Variants in SLC22A3 observed in about 807,000 individuals in gnomAD.
SLC22A3 encodes solute carrier family 22 member 3.
Under a neutral mutation model 59.1 loss-of-function variants are expected in SLC22A3, and 51 were observed. The observed-to-expected ratio is 0.86, with a 90% CI of 0.69 to 1.09. SLC22A3 has a LOEUF of 1.09. Among genes scored for constraint, SLC22A3 ranks in the 50% least tolerant of loss-of-function variants. The pLI, the probability that SLC22A3 is intolerant of heterozygous loss-of-function variation, is 0.00. For missense variants in SLC22A3, 711 were observed against 726.3 expected (o/e 0.98, Z 0.24); for synonymous variants, 325 against 292.0 (o/e 1.11, Z -1.15).
intron 9 of SLC22A3, among the ~76,000 whole-genome samples, chr6:160,445,809 G>C (rs987125146): frequency 2.0e-5 from 3 of 152,348 alleles, no homozygotes. Flanking sequence ...GCAAGGCTGA[G>C]GGTCTGCAGG....
intron 1 of SLC22A3, among the ~76,000 whole-genome samples, chr6:160,355,830 G>GT (rs1784822167): frequency 6.6e-6 from 1 of 152,034 alleles, no homozygotes; most frequent in Non-Finnish European, 1.5e-5. Flanking sequence ...AGGCTGTTCC[G>GT]TTTTGTACCT....
intron 1 of SLC22A3, among the ~76,000 whole-genome samples, chr6:160,357,173 C>T (rs1192049413): frequency 6.6e-6 from 1 of 152,144 alleles, no homozygotes; most frequent in Non-Finnish European, 1.5e-5. Context: ...AACAAAGGCA[C>T]CTATTCTGCT....
chr6:160,383,242 A>G (rs751644218), intron 1 of SLC22A3, among the ~76,000 whole-genome samples: 2 of 152,238 alleles, frequency 1.3e-5, no homozygotes, highest in Non-Finnish European at 2.9e-5. Flanking sequence ...GTGTTTTCAC[A>G]TTTTAAATTA....
At chr6:160,349,199 G>C (rs979183905) in intron 1 of SLC22A3, 1 of 513,048 alleles carries the variant, frequency 1.9e-6, no homozygotes. Flanking sequence ...TGCGGGCGCC[G>C]TCATTGGAAA....
chr6:160,393,604 A>T (rs1424091089), intron 1 of SLC22A3, among the ~76,000 whole-genome samples: 1 of 152,066 alleles, frequency 6.6e-6, no homozygotes, highest in Non-Finnish European at 1.5e-5. Context: ...CCATGTCCCT[A>T]CAAAGAACAT....
rs569656333 is a variant in SLC22A3 at position 160,429,346 on chromosome 6, G to A, written c.976-7434G>A. Among the ~76,000 whole-genome samples, 101 of 152,198 alleles carry A rather than the reference G, an allele frequency of 6.6e-4. 1 individual carries two copies. Among genetic ancestry groups the A allele is most frequent in the African/African-American group, 2.1e-3 (89 of 41,528 alleles). On this transcript the variant is annotated intron_variant, in intron 5 of 10. Coordinates refer to ENST00000275300, the MANE Select transcript of SLC22A3 (RefSeq NM_021977.4). ...GGTGTCATCTTTCCTTGTGAAATAC[G>A]GCAACTGATGAAGAAGTCTCCTATT...
In SLC22A3 at chr6:160,415,997, G is replaced by T. The variant is rs1344459904; in HGVS notation, c.975+5151G>T. 6.6e-6 allele frequency among the ~76,000 whole-genome samples: 1 copy of T among 152,216 alleles called. No individual in the cohort carries two copies. Among genetic ancestry groups the T allele is most frequent in the Non-Finnish European group, 1.5e-5 (1 of 68,038 alleles). ...GAGAGGAAAATAGTATGACAGATTT[G>T]ATCCAACATTGAAACAGGTGCATTT... is the stretch of plus-strand genomic sequence containing the variant. On this transcript the variant is annotated intron_variant, in intron 5 of 10. Coordinates refer to ENST00000275300, the MANE Select transcript of SLC22A3 (RefSeq NM_021977.4). This position sits in a 1 kb window ranked among gnomAD's most constrained non-coding sequence, Gnocchi z 4.1.
At chr6:160,392,901 T>C (rs1245085222) in intron 1 of SLC22A3, among the ~76,000 whole-genome samples, 7 of 151,730 alleles carry the variant, frequency 4.6e-5, no homozygotes, top group Non-Finnish European at 8.8e-5. Context: ...TTATTATTAT[T>C]ATTATTATTA....
chr6:160,396,224 G>A (rs936419746), intron 1 of SLC22A3, among the ~76,000 whole-genome samples: 3 of 151,952 alleles, frequency 2.0e-5, no homozygotes, highest in African/African-American at 7.3e-5. Context: ...AAATCTTCAG[G>A]GCAACAAACA....
intron 5 of SLC22A3, among the ~76,000 whole-genome samples, chr6:160,427,140 A>G (rs1787991604): frequency 1.3e-5 from 2 of 152,112 alleles, no homozygotes; most frequent in African/African-American, 2.4e-5. Flanking sequence ...GCAAGAAGCA[A>G]TGGAAGAGAT....
chr6:160,448,518 T>C (rs1296830410), intron 10 of SLC22A3, among the ~76,000 whole-genome samples: 1 of 152,006 alleles, frequency 6.6e-6, no homozygotes, highest in Non-Finnish European at 1.5e-5. Flanking sequence ...GATAGGTGGA[T>C]AGATAAATAG....
At chr6:160,411,455 G>C (rs1299860598) in intron 5 of SLC22A3, among the ~76,000 whole-genome samples, 1 of 152,138 alleles carries the variant, frequency 6.6e-6, no homozygotes, top group African/African-American at 2.4e-5. Context: ...AAATAGGGGA[G>C]GGCCGGGTGT....
chr6:160,430,171 A>G (rs1788099997), intron 5 of SLC22A3, among the ~76,000 whole-genome samples: 1 of 151,848 alleles, frequency 6.6e-6, no homozygotes, highest in Admixed American at 6.6e-5. Flanking sequence ...TGAATTTTCA[A>G]AACACTAATA....
intron 1 of SLC22A3, among the ~76,000 whole-genome samples, chr6:160,389,169 GCTGATCATCTCA>G (rs1413949093): frequency 6.6e-6 from 1 of 152,074 alleles, no homozygotes; most frequent in Non-Finnish European, 1.5e-5. Context: ...CGTATAGAAG[GCTGATCATCTCA>G]CTTGATTAAA....
chr6:160,437,458 G>T (rs1417116049), intron 7 of SLC22A3, among the ~76,000 whole-genome samples: 1 of 152,188 alleles, frequency 6.6e-6, no homozygotes, highest in Non-Finnish European at 1.5e-5. Context: ...CAATCTAGCT[G>T]ATAGCGATGT....
chr6:160,393,389 T>C (rs533116851), intron 1 of SLC22A3, among the ~76,000 whole-genome samples: 6 of 151,980 alleles, frequency 3.9e-5, no homozygotes, highest in Admixed American at 2.6e-4. Context: ...GCTGCACCCA[T>C]TAACTCGTCA....
At chr6:160,412,205 A>G (rs1787280313) in intron 5 of SLC22A3, among the ~76,000 whole-genome samples, 1 of 152,102 alleles carries the variant, frequency 6.6e-6, no homozygotes, top group African/African-American at 2.4e-5. Flanking sequence ...CTACTAAAAA[A>G]TAGAAAAATT....
chr6:160,416,652 C>A (rs1201729951), intron 5 of SLC22A3, among the ~76,000 whole-genome samples: 1 of 152,110 alleles, frequency 6.6e-6, no homozygotes, highest in Non-Finnish European at 1.5e-5. Context: ...ATGCAAAGTT[C>A]TTTTACAGTG....
intron 1 of SLC22A3, among the ~76,000 whole-genome samples, chr6:160,355,126 G>T (rs962874306): frequency 2.6e-5 from 4 of 152,252 alleles, no homozygotes; most frequent in Admixed American, 6.5e-5. Context: ...AAGCTTTATT[G>T]TGTTACACAA....
Sources: allele counts gnomAD v4.1 joint callset (sites outside exome capture counted in the v4.1 genomes callset), GRCh38; gene constraint gnomAD v4.1.1; non-coding constraint Gnocchi (gnomAD v3.1); transcripts MANE v1.5; gene names NCBI Gene and HGNC (gene_info 2026-07-23, HGNC 2026-07-21).